The following ADCY5 variants were observed in gnomAD, a reference collection of about 807,000 sequenced individuals.
ADCY5 encodes adenylate cyclase type 5.
In ADCY5, 30 loss-of-function variants were observed where a neutral mutation model predicts 119.7. The observed-to-expected ratio is 0.25, with a 90% confidence interval of 0.19 to 0.34. ADCY5 has a LOEUF of 0.34. Ranked by LOEUF, ADCY5 falls within the 10% of genes least tolerant of loss-of-function variation. The pLI, the probability that ADCY5 is intolerant of heterozygous loss-of-function variation, is 1.00. For missense variants in ADCY5, 1,324 were observed against 1,775.2 expected (o/e 0.75, Z 4.57); for synonymous variants, 753 against 762.2 (o/e 0.99, Z 0.20).
rs117993334 is a variant in ADCY5 at position 123,387,913 on chromosome 3, T to A, written c.1135-35332A>T. 4.3e-4 allele frequency among the ~76,000 whole-genome samples: 65 copies of A among 152,216 alleles called. 1 individual carries two copies. In the East Asian group the frequency reaches 0.012, roughly 28 times the overall value. On this transcript the variant is annotated intron_variant, in intron 1 of 20. Coordinates refer to ENST00000462833, the MANE Select transcript of ADCY5 (RefSeq NM_183357.3). ...ACCAGAAAGGAAAGGAAAGAGTCCA[T>A]CCCTGAATGCTGGAAGGTGACCCAG...
intron 17 of ADCY5, among the ~76,000 whole-genome samples, chr3:123,291,629 C>G (rs1939157951): frequency 6.6e-6 from 1 of 152,196 alleles, no homozygotes. Context: ...GCCAGCCTCT[C>G]TGGGGGTGCT....
In ADCY5 at chr3:123,330,929, A is replaced by G. The variant is rs368282992; in HGVS notation, c.1606T>C (p.Cys536Arg). The G allele has an allele frequency of 6.2e-7, 1 of 1,614,014 alleles. No homozygotes were observed. The highest frequency in any genetic ancestry group is 8.5e-7 in the Non-Finnish European group (1 of 1,179,944). ...LPEARADHAH[C>R]CVEMGMDMIE... is the part of the protein sequence containing the mutation. ...ATGTCCATGCCCATCTCCACACAGCAGTGGGCGTGGTCAGCCCTTGCTTCA... is the reference window on the plus strand; with the variant it reads ...ATGTCCATGCCCATCTCCACACAGCGGTGGGCGTGGTCAGCCCTTGCTTCA... The change falls in exon 5 of 21, where the codon TGC becomes CGC. Residue 536 changes from cysteine (C) to arginine (R), a missense_variant. Physicochemically the swap from Cys to Arg is radical, Grantham distance 180 (BLOSUM62 -3). This residue lies in a region of ADCY5 where 123 missense variants were observed against 287.9 expected (regional missense o/e 0.43). Coordinates refer to ENST00000462833, the MANE Select transcript of ADCY5 (RefSeq NM_183357.3).
rs1259870087 is a variant in ADCY5 at position 123,448,837 on chromosome 3, C to G, written c.-292G>C. 3.1e-6 allele frequency: 1 copy of G among 318,786 alleles called. No individual in the cohort carries two copies. Among genetic ancestry groups the G allele is most frequent in the Non-Finnish European group, 5.7e-6 (1 of 174,616 alleles). 19.7% of individuals were successfully genotyped at this position (318,786 alleles called of 1,614,324 possible). ...CTGGTCTGGCTGCTGCTGCGCCGCA[C>G]GCGGAGAGACGTCCGGGATCCTGGC... On this transcript the variant is annotated 5_prime_UTR_variant, in exon 1 of 21. Coordinates refer to ENST00000462833, the MANE Select transcript of ADCY5 (RefSeq NM_183357.3).
At chr3:123,357,510 C>T (rs527256933) in intron 1 of ADCY5, among the ~76,000 whole-genome samples, 17 of 152,276 alleles carry the variant, frequency 1.1e-4, no homozygotes, top group African/African-American at 2.9e-4. Context: ...TAAAAAGATG[C>T]GTGGTAACCC....
Position 123,357,118 on chromosome 3 carries a change from G to T in ADCY5, c.1135-4537C>A, listed in dbSNP as rs186479551. On this transcript the variant is annotated intron_variant, in intron 1 of 20. Transcript: ENST00000462833. ...AAGGGGCAGCACAAGGAAACCTTTT[G>T]GGGTGATGGGACTGTCCTGTATCTT... Among the ~76,000 whole-genome samples, 433 of 152,152 alleles carry T rather than the reference G, an allele frequency of 2.8e-3. 1 individual carries two copies. Among genetic ancestry groups the T allele is most frequent in the African/African-American group, 9.9e-3 (409 of 41,498 alleles).
At chr3:123,419,959 G>T (rs1945268180) in intron 1 of ADCY5, among the ~76,000 whole-genome samples, 1 of 151,542 alleles carries the variant, frequency 6.6e-6, no homozygotes, top group Admixed American at 6.6e-5. Context: ...CACAAATGAT[G>T]AGCTCCCTGT....
At chr3:123,380,318 T>C (rs938272354) in intron 1 of ADCY5, among the ~76,000 whole-genome samples, 1 of 152,182 alleles carries the variant, frequency 6.6e-6, no homozygotes, top group Admixed American at 6.5e-5. Flanking sequence ...TCAAGTGGAT[T>C]CCATCCCATC....
intron 19 of ADCY5, among the ~76,000 whole-genome samples, chr3:123,288,601 G>C (rs1170429716): frequency 1.3e-5 from 2 of 152,194 alleles, no homozygotes; most frequent in Non-Finnish European, 2.9e-5. Flanking sequence ...CGAGTTCAGA[G>C]CTGGCATTCC....
intron 15 of ADCY5, among the ~76,000 whole-genome samples, chr3:123,298,794 G>C (rs1292406628): frequency 2.1e-5 from 3 of 140,094 alleles, no homozygotes; most frequent in Non-Finnish European, 4.6e-5. Context: ...AGAAGGTACA[G>C]TTTGCTGCAT....
chr3:123,417,028 C>A (rs1945199221), intron 1 of ADCY5, among the ~76,000 whole-genome samples: 1 of 152,154 alleles, frequency 6.6e-6, no homozygotes, highest in Non-Finnish European at 1.5e-5. Flanking sequence ...CTTCCAGCCT[C>A]CAGAACTGTG....
At chr3:123,398,981 T>C (rs111448738) in intron 1 of ADCY5, among the ~76,000 whole-genome samples, 2,624 of 152,252 alleles carry the variant, frequency 0.017, 75 homozygotes, top group African/African-American at 0.06. Flanking sequence ...GGAGCTCCCA[T>C]AGGGCCGGCC....
In ADCY5 at chr3:123,282,404, C is replaced by T. The variant is rs113985515; in HGVS notation, c.*2204G>A. On this transcript the variant is annotated 3_prime_UTR_variant, in exon 21 of 21. Coordinates refer to ENST00000462833, the MANE Select transcript of ADCY5 (RefSeq NM_183357.3). ...CAAGAGTAGGAATAAAAAGAGTGCA[C>T]ACCCTTTAGAGGGAACGAAGAGCTA... is the stretch of plus-strand genomic sequence containing the variant. 3.3e-5 allele frequency: 5 copies of T among 152,400 alleles called. 1 individual carries two copies. The highest frequency in any genetic ancestry group is 2.1e-4 in the South Asian group (1 of 4,832). The allele number at this position is 152,400 out of a possible 1,614,324, so 9.4% of individuals were successfully genotyped here. A position where few individuals can be genotyped will look rare whatever the true frequency, so the allele number is the denominator to read the frequency against.
chr3:123,325,691 C>T (rs572873910), intron 7 of ADCY5, among the ~76,000 whole-genome samples: 37 of 152,318 alleles, frequency 2.4e-4, no homozygotes, highest in African/African-American at 8.9e-4. Context: ...GTGGGAGTGG[C>T]AAAAGATGAT....
At chr3:123,378,173 G>C (rs1447733046) in intron 1 of ADCY5, among the ~76,000 whole-genome samples, 1 of 152,054 alleles carries the variant, frequency 6.6e-6, no homozygotes, top group Non-Finnish European at 1.5e-5. Flanking sequence ...CAGCACCCAC[G>C]TGGTCACTCA....
At chr3:123,403,694 C>T (rs1276882934) in intron 1 of ADCY5, among the ~76,000 whole-genome samples, 5 of 152,224 alleles carry the variant, frequency 3.3e-5, no homozygotes, top group African/African-American at 1.2e-4. Context: ...CTCAAAAACT[C>T]CTGGAGGGTC....
intron 1 of ADCY5, among the ~76,000 whole-genome samples, chr3:123,400,021 G>A (rs750282507): frequency 1.3e-5 from 2 of 152,210 alleles, no homozygotes; most frequent in Non-Finnish European, 2.9e-5. Flanking sequence ...TAAGCACAAT[G>A]AACATGGGTT....
At chr3:123,317,786 T>C (rs1260613443) in intron 11 of ADCY5, among the ~76,000 whole-genome samples, 1 of 148,594 alleles carries the variant, frequency 6.7e-6, no homozygotes, top group South Asian at 2.1e-4. Flanking sequence ...TTCATGCAGC[T>C]GTGCAGCGCC....
At chr3:123,369,322 T>C (rs1943556583) in intron 1 of ADCY5, among the ~76,000 whole-genome samples, 1 of 152,208 alleles carries the variant, frequency 6.6e-6, no homozygotes, top group East Asian at 1.9e-4. Context: ...TAAACCTCTA[T>C]TCTTTATAAG....
intron 1 of ADCY5, among the ~76,000 whole-genome samples, chr3:123,426,271 C>CT (rs201291170): frequency 2.1e-5 from 3 of 146,330 alleles, no homozygotes; most frequent in Admixed American, 6.9e-5. Context: ...AGCTGACATT[C>CT]TTTTTTTTTC....
Sources: gnomAD v4.1 joint callset for allele counts (sites outside exome capture counted in the v4.1 genomes callset) on GRCh38, gnomAD v4.1.1 for gene constraint, gnomAD v4.1.1 regional missense constraint, MANE v1.5 for transcripts, NCBI Gene and HGNC (gene_info 2026-07-23, HGNC 2026-07-21) for gene names.